The following GASK1B variants were observed in gnomAD, a reference collection of about 807,000 sequenced individuals.
The protein encoded by GASK1B is golgi associated kinase 1B, also known as Golgi-associated kinase 1B.
GASK1B carries 34 observed loss-of-function variants against 42.8 expected under a neutral mutation model. The observed-to-expected ratio is 0.79, with a 90% CI of 0.60 to 1.06. The LOEUF (loss-of-function observed/expected upper bound fraction) is 1.06, where lower values mean the gene tolerates loss of function less well. Ranked by LOEUF, GASK1B falls within the 50% of genes least tolerant of loss-of-function variation. GASK1B has a pLI of 0.00. For synonymous variants in GASK1B, 262 were observed against 259.1 expected, an observed-to-expected ratio of 1.01 and a Z score of -0.11; for missense variants, 686 against 661.0, an observed-to-expected ratio of 1.04 and a Z score of -0.42.
At chr4:158,140,082 T>C (rs746949593) in intron 3 of GASK1B, among the ~76,000 whole-genome samples, 21 of 152,356 alleles carry the variant, frequency 1.4e-4, no homozygotes, top group South Asian at 8.3e-4. Flanking sequence ...ACCACCGGTA[T>C]AGTTTGGTGC....
At chr4:158,161,541 G>A (rs1732005796) in intron 2 of GASK1B, among the ~76,000 whole-genome samples, 1 of 152,170 alleles carries the variant, frequency 6.6e-6, no homozygotes, top group Admixed American at 6.5e-5. Context: ...GTTCTCCTCT[G>A]AAAACAAGGC....
At position 158,170,831 on chromosome 4, in the gene GASK1B, A is replaced by G. The variant is rs1278069141; in HGVS notation, c.545T>C (p.Leu182Ser). ...GGCTCGCACTCCCGGACCCCGCACC[A>G]ACCTCCAGGGTCGCTCTCCAATCTT... ...LVKIGERPWR[L>S]VRGPGVRAGG... The change falls in exon 2 of 5, where the codon TTG becomes TCG. Residue 182 changes from leucine (L) to serine (S), a missense_variant. Leu to Ser is a moderately radical substitution (Grantham distance 145, BLOSUM62 -2). Coordinates refer to ENST00000585682, the MANE Select transcript of GASK1B (RefSeq NM_001128424.2). 6.2e-7 allele frequency: 1 copy of G among 1,614,046 alleles called. No individual in the cohort carries two copies. The highest frequency in any genetic ancestry group is 1.3e-5 in the African/African-American group (1 of 74,928).
At chr4:158,128,308 CT>C (rs1730539588) in intron 4 of GASK1B, among the ~76,000 whole-genome samples, 1 of 152,152 alleles carries the variant, frequency 6.6e-6, no homozygotes, top group South Asian at 2.1e-4. Flanking sequence ...GAAAGTCTCT[CT>C]GGAAAACCTA....
chr4:158,168,955 A>G (rs1265812093), intron 2 of GASK1B: 1 of 152,172 alleles, frequency 6.6e-6, no homozygotes, highest in Non-Finnish European at 1.5e-5. Context: ...TCCAGTTTGG[A>G]TAATAAGTTA....
intron 4 of GASK1B, among the ~76,000 whole-genome samples, chr4:158,129,520 A>G (rs1453997197): frequency 6.6e-6 from 1 of 152,204 alleles, no homozygotes; most frequent in African/African-American, 2.4e-5. Flanking sequence ...TCTTAATGCT[A>G]AAGTACATAA....
intron 2 of GASK1B, chr4:158,167,188 G>A (rs1348307471): frequency 3.3e-5 from 5 of 152,002 alleles, no homozygotes; most frequent in Non-Finnish European, 7.4e-5. Flanking sequence ...GGCTTTGCTG[G>A]CTTCTCACTC....
intron 2 of GASK1B, chr4:158,168,493 A>G (rs1180446463): frequency 6.6e-6 from 1 of 152,146 alleles, no homozygotes; most frequent in African/African-American, 2.4e-5. Context: ...AATAATAATA[A>G]CCAATATTTA....
rs780872947 is a variant in GASK1B at position 158,155,616 on chromosome 4, A to T, written c.1120T>A (p.Leu374Ile). 6.2e-7 allele frequency: 1 copy of T among 1,613,050 alleles called. No individual in the cohort carries two copies. The highest frequency in any genetic ancestry group is 8.5e-7 in the Non-Finnish European group (1 of 1,179,196). ...GCTTGATTTGATAAACTTACCTGTA[A>T]CAAAAAATCAAAGAGTGCCATCTTG... ...WSKMALFDFL[L>I]QIYNRLDTNC... The change falls in exon 3 of 5, where the codon TTA (leucine) becomes ATA (isoleucine). Residue 374 changes from leucine (L) to isoleucine (I), a missense_variant. By Grantham distance (5) the Leu-to-Ile change is conservative. Coordinates refer to ENST00000585682, the MANE Select transcript of GASK1B (RefSeq NM_001128424.2).
intron 3 of GASK1B, among the ~76,000 whole-genome samples, chr4:158,141,329 T>G (rs1731107342): frequency 6.6e-6 from 1 of 151,800 alleles, no homozygotes; most frequent in South Asian, 2.1e-4. Flanking sequence ...GCATAGCTTA[T>G]GAGATACTGG....
intron 3 of GASK1B, among the ~76,000 whole-genome samples, chr4:158,134,172 T>G (rs1291745652): frequency 2.6e-5 from 4 of 152,236 alleles, no homozygotes; most frequent in Admixed American, 6.5e-5. Flanking sequence ...AAACATAATC[T>G]ACACCCTTAA....
At chr4:158,137,440 G>A (rs1444481600) in intron 3 of GASK1B, among the ~76,000 whole-genome samples, 2 of 152,142 alleles carry the variant, frequency 1.3e-5, no homozygotes, top group Non-Finnish European at 2.9e-5. Context: ...CATCCCTTCA[G>A]ACAGACAGAT....
rs536421199 is a variant in GASK1B at position 158,144,442 on chromosome 4, A to G, written c.1125+11169T>C. 2.6e-5 allele frequency among the ~76,000 whole-genome samples: 4 copies of G among 152,326 alleles called. No individual in the cohort carries two copies. The South Asian group carries it at 8.3e-4, about 32-fold the overall frequency. On this transcript the variant is annotated intron_variant, in intron 3 of 4. Transcript: ENST00000585682. ...TGACAAACTTAGTTGTACACTATTA[A>G]AAGTCTATAATAACCACAATACTGT...
chr4:158,167,485 C>A (rs1428488518), intron 2 of GASK1B, among the ~76,000 whole-genome samples: 1 of 152,160 alleles, frequency 6.6e-6, no homozygotes, highest in East Asian at 1.9e-4. Context: ...AATGTTATTA[C>A]ACGTCCTAAG....
rs1402552660 is a variant in GASK1B at position 158,155,624 on chromosome 4, T to C, written c.1112A>G (p.Asp371Gly). The C allele has an allele frequency of 1.9e-6, 3 of 1,613,230 alleles. No homozygotes were observed. The highest frequency in any genetic ancestry group is 1.7e-6 in the Non-Finnish European group (2 of 1,179,514). ...HHEWSKMALFDFLLQIYNRLD... is the reference protein window; with the variant it reads ...HHEWSKMALFGFLLQIYNRLD... ...TGATAAACTTACCTGTAACAAAAAATCAAAGAGTGCCATCTTGGACCACTC... is the reference window on the plus strand; with the variant it reads ...TGATAAACTTACCTGTAACAAAAAACCAAAGAGTGCCATCTTGGACCACTC... The change falls in exon 3 of 5, where the codon GAT becomes GGT. Residue 371 changes from aspartate to glycine, a missense_variant. By Grantham distance (94) the Asp-to-Gly change is moderately conservative. Transcript: ENST00000585682.
At chr4:158,147,966 T>C (rs187696333) in intron 3 of GASK1B, among the ~76,000 whole-genome samples, 102 of 152,212 alleles carry the variant, frequency 6.7e-4, no homozygotes, top group Admixed American at 6.6e-3. Flanking sequence ...AAGCCCAGCA[T>C]TTTGGGAGGC....
chr4:158,165,241 A>C (rs997372162), intron 2 of GASK1B, among the ~76,000 whole-genome samples: 1 of 152,254 alleles, frequency 6.6e-6, no homozygotes, highest in African/African-American at 2.4e-5. Context: ...CAAAGATCAC[A>C]GAACGGTGCT....
chr4:158,147,370 GCAAGAACATCA>G (rs1406250624), intron 3 of GASK1B, among the ~76,000 whole-genome samples: 1 of 152,036 alleles, frequency 6.6e-6, no homozygotes, highest in Non-Finnish European at 1.5e-5. Context: ...AGAGGACAAG[GCAAGAACATCA>G]CTTGAGCTCC....
At chr4:158,162,345 C>G (rs62335860) in intron 2 of GASK1B, among the ~76,000 whole-genome samples, 1 of 152,296 alleles carries the variant, frequency 6.6e-6, no homozygotes, top group Non-Finnish European at 1.5e-5. Context: ...GAGACTACTT[C>G]TTAGTCCTCT....
chr4:158,165,711 G>T (rs886324455), intron 2 of GASK1B, among the ~76,000 whole-genome samples: 2 of 152,172 alleles, frequency 1.3e-5, no homozygotes, highest in African/African-American at 4.8e-5. Flanking sequence ...TATTTGTGAG[G>T]TAGTGTGGGT....
Sources: gnomAD v4.1 joint callset for allele counts (sites outside exome capture counted in the v4.1 genomes callset) on GRCh38, gnomAD v4.1.1 for gene constraint, MANE v1.5 for transcripts, NCBI Gene and HGNC (gene_info 2026-07-23, HGNC 2026-07-21) for gene names.